SH3D19: variants seen among roughly 807,000 people sequenced by gnomAD.
The protein encoded by SH3D19 is SH3 domain containing 19.
SH3D19 carries 58 observed loss-of-function variants against 112.1 expected under a neutral mutation model. The ratio of observed to expected loss-of-function variants is 0.52; its 90% CI spans 0.42 to 0.64. SH3D19 has a LOEUF of 0.64. Among genes scored for constraint, SH3D19 ranks in the 30% least tolerant of loss-of-function variants. The pLI is 0.00. For synonymous variants in SH3D19, 391 were observed against 448.5 expected (o/e 0.87, Z 1.62); for missense variants, 1,090 against 1,263.4 (o/e 0.86, Z 2.08).
intron 11 of SH3D19, among the ~76,000 whole-genome samples, chr4:151,147,625 G>A (rs1245728973): frequency 2.0e-5 from 3 of 152,064 alleles, no homozygotes; most frequent in Non-Finnish European, 4.4e-5. Flanking sequence ...TCACGCCTGG[G>A]TAATTTTTTG....
intron 2 of SH3D19, among the ~76,000 whole-genome samples, chr4:151,213,032 A>G (rs748029083): frequency 3.7e-4 from 57 of 152,240 alleles, no homozygotes; most frequent in Non-Finnish European, 2.6e-4. Flanking sequence ...GAGAACTAGA[A>G]TTAGAAGTGG....
intron 1 of SH3D19, among the ~76,000 whole-genome samples, chr4:151,234,468 A>T (rs1769851641): frequency 6.6e-6 from 1 of 152,142 alleles, no homozygotes; most frequent in South Asian, 2.1e-4. Context: ...TAAGGCAGGG[A>T]GGGGAGCGGC....
chr4:151,303,379 T>G (rs541190064), intron 1 of SH3D19, among the ~76,000 whole-genome samples: 1 of 152,242 alleles, frequency 6.6e-6, no homozygotes, highest in Non-Finnish European at 1.5e-5. Flanking sequence ...GCATTTGCTA[T>G]GATTATTACA....
intron 2 of SH3D19, among the ~76,000 whole-genome samples, chr4:151,195,371 C>CAAA (rs58618820): frequency 2.8e-4 from 19 of 66,786 alleles, no homozygotes; most frequent in African/African-American, 6.6e-4. Flanking sequence ...GACTCTGTCT[C>CAAA]AAAAAAAAAA....
chr4:151,163,718 T>G (rs1170163888), intron 8 of SH3D19, among the ~76,000 whole-genome samples: 1 of 151,946 alleles, frequency 6.6e-6, no homozygotes, highest in East Asian at 1.9e-4. Flanking sequence ...GTAGCTGGGA[T>G]TACAGGTGTG....
chr4:151,291,968 C>T (rs1423840216), intron 1 of SH3D19, among the ~76,000 whole-genome samples: 1 of 152,006 alleles, frequency 6.6e-6, no homozygotes, highest in Non-Finnish European at 1.5e-5. Flanking sequence ...TACAGATTAG[C>T]TAGCCCTGTT....
chr4:151,205,927 T>A (rs752183980), intron 2 of SH3D19, among the ~76,000 whole-genome samples: 28 of 152,236 alleles, frequency 1.8e-4, no homozygotes, highest in South Asian at 4.1e-4. Context: ...ACAGTCTGAC[T>A]CTAGGCAGGG....
intron 1 of SH3D19, chr4:151,266,272 T>C (rs895486680): frequency 6.6e-6 from 1 of 152,224 alleles, no homozygotes; most frequent in Non-Finnish European, 1.5e-5. Context: ...CCGTTAACTA[T>C]ATGTGTTCAT....
chr4:151,205,622 T>G (rs1329668134), intron 2 of SH3D19, among the ~76,000 whole-genome samples: 1 of 152,166 alleles, frequency 6.6e-6, no homozygotes, highest in Non-Finnish European at 1.5e-5. Flanking sequence ...ATATGAAACT[T>G]AAAACACTCC....
At position 151,148,082 on chromosome 4, in the gene SH3D19, T is replaced by G; in HGVS notation, c.1922A>C (p.Lys641Thr). Residue 641 changes from lysine to threonine, a missense_variant, in exon 11 of 20, where the codon AAA becomes ACA. Transcript: ENST00000604030. The stretch of plus-strand genomic sequence containing the variant: ...AGAAGAGGATCGATTAAAAGGCAGT[T>G]TCTTATTAGATCTTCTGGTTGCAGA... ...KLSATRRSNK[K>T]LPFNRSSSDM... is the part of the protein sequence containing the mutation. The G allele has an allele frequency of 6.2e-7, 1 of 1,614,154 alleles. No individual in the cohort carries two copies. The highest frequency in any genetic ancestry group is 8.5e-7 in the Non-Finnish European group (1 of 1,180,026).
At chr4:151,306,940 C>G (rs550261910) in intron 1 of SH3D19, among the ~76,000 whole-genome samples, 2 of 152,236 alleles carry the variant, frequency 1.3e-5, no homozygotes, top group South Asian at 4.2e-4. Flanking sequence ...TCCACTCTCC[C>G]GCATCATTCC....
At chr4:151,169,271 T>C (rs1758636074) in intron 7 of SH3D19, among the ~76,000 whole-genome samples, 1 of 152,216 alleles carries the variant, frequency 6.6e-6, no homozygotes, top group Non-Finnish European at 1.5e-5. Context: ...TGTATAATTA[T>C]TCTACTATAC....
intron 3 of SH3D19, among the ~76,000 whole-genome samples, chr4:151,182,849 T>G (rs769541654): frequency 1.3e-4 from 20 of 152,230 alleles, no homozygotes; most frequent in Non-Finnish European, 2.6e-4. Flanking sequence ...TTTGCCAGAT[T>G]GCCATATAGA....
chr4:151,179,315 T>C (rs1173318178), intron 4 of SH3D19, 40 bp downstream of exon 4: 3 of 1,111,406 alleles, frequency 2.7e-6, no homozygotes, highest in African/African-American at 1.6e-5. Context: ...TACTCAATTA[T>C]TAGTCTAATA....
At chr4:151,175,755 C>T (rs1759840189) in intron 6 of SH3D19, 81 bp from the exon 7 acceptor site, 3 of 1,194,590 alleles carry the variant, frequency 2.5e-6, no homozygotes, top group Admixed American at 4.1e-5. Context: ...ATAGAAGATA[C>T]ACAGATTTAA....
At chr4:151,273,363 G>A (rs1394949048) in intron 1 of SH3D19, among the ~76,000 whole-genome samples, 1 of 151,938 alleles carries the variant, frequency 6.6e-6, no homozygotes, top group Non-Finnish European at 1.5e-5. Flanking sequence ...GGCCGAGGCG[G>A]GTGGATCACG....
chr4:151,283,352 A>G, intron 1 of SH3D19: 3 of 1,475,316 alleles, frequency 2.0e-6, no homozygotes, highest in Non-Finnish European at 1.9e-6. Context: ...AGGTTTTCCT[A>G]TCTGTAAATA....
chr4:151,282,462 C>CTGGA, intron 1 of SH3D19: 1 of 1,590,978 alleles, frequency 6.3e-7, no homozygotes, highest in Admixed American at 1.7e-5. Context: ...TCCTCTTGTA[C>CTGGA]TCCAGAACAT....
In SH3D19 at chr4:151,198,389, T is replaced by TATCATATATTATATATTATATAA. The variant is rs202000500; in HGVS notation, c.153-10927_153-10926insTTATATAATATATAATATATGAT. Among the ~76,000 whole-genome samples the TATCATATATTATATATTATATAA allele has an allele frequency of 1.3e-3, 190 of 141,424 alleles. 2 individuals are homozygous for TATCATATATTATATATTATATAA. The highest frequency in any genetic ancestry group is 2.7e-3 in the Admixed American group (37 of 13,620). The allele number at this position is 141,424 out of a possible 152,430, so 92.8% of individuals were successfully genotyped here. On this transcript the variant is annotated intron_variant, in intron 2 of 19. Coordinates refer to ENST00000604030, the MANE Select transcript of SH3D19 (RefSeq NM_001378122.1). ...TATTATATAAAAATTATATAATATA[T>TATCATATATTATATATTATATAA]AATATATATCATATATTATATATTA...
Sources: gnomAD v4.1 joint callset for allele counts (sites outside exome capture counted in the v4.1 genomes callset) on GRCh38, gnomAD v4.1.1 for gene constraint, MANE v1.5 for transcripts, NCBI Gene and HGNC (gene_info 2026-07-23, HGNC 2026-07-21) for gene names.